Variants in PPEF1 observed in about 807,000 individuals in gnomAD.
PPEF1 encodes serine/threonine-protein phosphatase with EF-hands 1.
A neutral mutation model predicts 53.3 loss-of-function variants in PPEF1; 12 were observed. That is an observed-to-expected ratio of 0.23 (90% CI 0.14 to 0.36). PPEF1 has a LOEUF of 0.36. PPEF1 is among the 10% of genes least tolerant of loss of function. The pLI is 1.00. For missense variants in PPEF1, 334 were observed against 490.4 expected, an observed-to-expected ratio of 0.68 and a Z score of 3.01; for synonymous variants, 165 against 176.7, an observed-to-expected ratio of 0.93 and a Z score of 0.52.
chrX:18,726,398 C>CAAAT (rs2044708876), intron 1 of PPEF1, among the ~76,000 whole-genome samples: 1 of 91,602 alleles, frequency 1.1e-5, no homozygotes, highest in Non-Finnish European at 2.3e-5. Context: ...AAATAAATGG[C>CAAAT]GGCCATTATT....
At chrX:18,776,280 C>T (rs1397047745) in intron 6 of PPEF1, among the ~76,000 whole-genome samples, 3 of 111,280 alleles carry the variant, frequency 2.7e-5, no homozygotes, top group Admixed American at 1.9e-4. Context: ...GTCACCCAGG[C>T]TGGAATACAG....
chrX:18,755,388 G>A (rs2045525957), intron 4 of PPEF1, among the ~76,000 whole-genome samples: 2 of 111,620 alleles, frequency 1.8e-5, no homozygotes, highest in Non-Finnish European at 3.8e-5. Flanking sequence ...TCAACATGGT[G>A]AAACCCCGTC....
At chrX:18,778,843 TG>T (rs2046023992) in intron 6 of PPEF1, among the ~76,000 whole-genome samples, 166 bp from the exon 7 acceptor site, 2 of 111,267 alleles carry the variant, frequency 1.8e-5, no homozygotes, top group African/African-American at 6.5e-5. Context: ...AGGAGATGCC[TG>T]CCGTGGAAGA....
chrX:18,733,710 G>A (rs1182589621), intron 2 of PPEF1, 38 bp from the exon 3 acceptor site: 1 of 1,084,179 alleles, frequency 9.2e-7, no homozygotes, highest in Non-Finnish European at 1.3e-6. Context: ...AGCTGTTTGG[G>A]GTTCACTAAT....
chrX:18,814,584 T>C (rs1186987369), intron 12 of PPEF1, among the ~76,000 whole-genome samples: 1 of 112,061 alleles, frequency 8.9e-6, no homozygotes, highest in East Asian at 2.8e-4. Flanking sequence ...TGCATTGCTC[T>C]GAGGTTCAGT....
intron 6 of PPEF1, among the ~76,000 whole-genome samples, chrX:18,775,341 A>G (rs1162016721): frequency 3.0e-5 from 3 of 100,313 alleles, no homozygotes; most frequent in East Asian, 6.2e-4. Context: ...CCTCAGCTTC[A>G]CCCTCCCGAG....
chrX:18,678,208 A>C (rs989962995), upstream of PPEF1, among the ~76,000 whole-genome samples: 2 of 106,020 alleles, frequency 1.9e-5, no homozygotes, highest in African/African-American at 7.0e-5. Context: ...AGGCGGGCGG[A>C]TTGCTTGAGC....
At chrX:18,775,636 G>C (rs1402446875) in intron 6 of PPEF1, among the ~76,000 whole-genome samples, 1 of 112,339 alleles carries the variant, frequency 8.9e-6, no homozygotes, top group Non-Finnish European at 1.9e-5. Flanking sequence ...CTAGTTCTCT[G>C]TTTCCTCCAG....
In PPEF1 at chrX:18,779,610, A is replaced by G; in HGVS notation, c.725+434A>G. On this transcript the variant is annotated intron_variant, in intron 7 of 15. Transcript: ENST00000470157. ...TTTTCACCGATGCGTGTATTGTTTTATGACATGATAATTGCTTCTGGCATT... is the reference window on the plus strand; with the variant it reads ...TTTTCACCGATGCGTGTATTGTTTTGTGACATGATAATTGCTTCTGGCATT... Among the ~76,000 whole-genome samples, 3 of 112,080 alleles carry G rather than the reference A, an allele frequency of 2.7e-5. 1 individual carries two copies. In the Middle Eastern group the frequency reaches 0.014, roughly 521 times the overall value.
intron 9 of PPEF1, among the ~76,000 whole-genome samples, chrX:18,786,642 G>A (rs777390331): frequency 1.8e-5 from 2 of 108,894 alleles, no homozygotes; most frequent in East Asian, 5.8e-4. Context: ...AAATAGCTGG[G>A]CATGGTGGTG....
At chrX:18,711,313 A>C (rs1490235848) in intron 1 of PPEF1, among the ~76,000 whole-genome samples, 1 of 95,494 alleles carries the variant, frequency 1.0e-5, no homozygotes, top group Non-Finnish European at 2.1e-5. Context: ...GGAGACTCAG[A>C]AAGCTGGGAG....
At position 18,793,895 on chromosome X, in the gene PPEF1, T is replaced by A. The variant is rs550261879; in HGVS notation, c.1065+4622T>A. ...AGTGTGCAGCCTCTGATGTCACTCT[T>A]CACAGAGTGCTGCCTTGGGCATGCA... On this transcript the variant is annotated intron_variant, in intron 10 of 15. Coordinates refer to ENST00000470157, the MANE Select transcript of PPEF1 (RefSeq NM_001377996.1). Among the ~76,000 whole-genome samples, 34 of 111,689 alleles carry A rather than the reference T, an allele frequency of 3.0e-4. No individual in the cohort carries two copies. In the South Asian group the frequency reaches 0.013, roughly 42 times the overall value.
chrX:18,712,474 A>T (rs2044351251), intron 1 of PPEF1, among the ~76,000 whole-genome samples: 2 of 112,170 alleles, frequency 1.8e-5, no homozygotes, highest in Admixed American at 1.9e-4. Flanking sequence ...ATGTTTAAAA[A>T]TTGATTTTTG....
chrX:18,688,707 G>A (rs1043461078), intron 3 of PPEF1: 1 of 112,251 alleles, frequency 8.9e-6, no homozygotes, highest in African/African-American at 3.2e-5. Flanking sequence ...TTACTACTGA[G>A]TAAACCATAA....
At chrX:18,775,897 A>T (rs1242934362) in intron 6 of PPEF1, among the ~76,000 whole-genome samples, 1 of 112,356 alleles carries the variant, frequency 8.9e-6, no homozygotes, top group Non-Finnish European at 1.9e-5. Context: ...TGTGGAAGAC[A>T]TCTTCCTACA....
intron 3 of PPEF1, among the ~76,000 whole-genome samples, chrX:18,735,485 A>G (rs964553049): frequency 9.0e-6 from 1 of 111,357 alleles, no homozygotes; most frequent in African/African-American, 3.3e-5. Flanking sequence ...CCATTGGTCT[A>G]TGTCTCTGTT....
chrX:18,706,902 C>T (rs2044213413), upstream of PPEF1, among the ~76,000 whole-genome samples: 1 of 88,115 alleles, frequency 1.1e-5, no homozygotes, highest in African/African-American at 4.3e-5. Flanking sequence ...GATCTCAGCT[C>T]ACTGCAACCT....
intron 12 of PPEF1, among the ~76,000 whole-genome samples, chrX:18,807,849 G>A (rs180836513): frequency 3.4e-4 from 38 of 110,397 alleles, no homozygotes; most frequent in African/African-American, 1.1e-3. Context: ...TAGTAGAGAC[G>A]GGGTTTCACC....
chrX:18,806,487 C>A lies in PPEF1; in HGVS notation c.1336C>A (p.Pro446Thr), dbSNP rs1340391294. 8.3e-7 allele frequency: 1 copy of A among 1,207,429 alleles called. No individual in the cohort carries two copies. The highest frequency in any genetic ancestry group is 1.8e-5 in the African/African-American group (1 of 57,005). The change falls in exon 12 of 16, where the codon CCT becomes ACT. Residue 446 changes from proline to threonine, a missense_variant. By Grantham distance (38) the Pro-to-Thr change is conservative. Coordinates refer to ENST00000470157, the MANE Select transcript of PPEF1 (RefSeq NM_001377996.1). ...AYIKLCSGTT[P>T]RFFQYQVTKA... ...CATCAAACTATGTTCTGGTACAACT[C>A]CTCGATTTTTCCAGTACCAAGTAAC...
Sources: allele counts gnomAD v4.1 joint callset (sites outside exome capture counted in the v4.1 genomes callset), GRCh38; gene constraint gnomAD v4.1.1; transcripts MANE v1.5; gene names NCBI Gene and HGNC (gene_info 2026-07-23, HGNC 2026-07-21).